SIGLEC9: variants seen among roughly 807,000 people sequenced by gnomAD.
SIGLEC9 encodes the protein sialic acid binding Ig like lectin 9, also known as sialic acid-binding Ig-like lectin 9.
Under a neutral mutation model 38.3 loss-of-function variants are expected in SIGLEC9, and 26 were observed. That is an observed-to-expected ratio of 0.68 (90% CI 0.50 to 0.94). The LOEUF is 0.94. Ranked by LOEUF, SIGLEC9 falls within the 40% of genes least tolerant of loss-of-function variation. The probability of loss-of-function intolerance (pLI) is 0.00; values close to 1 mark genes in which losing one functional copy is unlikely to be tolerated. For synonymous variants in SIGLEC9, 236 were observed against 248.0 expected, an observed-to-expected ratio of 0.95 and a Z score of 0.45; for missense variants, 556 against 585.7, an observed-to-expected ratio of 0.95 and a Z score of 0.52.
At chr19:51,129,581 G>A (rs942055157) in intron 6 of SIGLEC9, among the ~76,000 whole-genome samples, 1 of 151,960 alleles carries the variant, frequency 6.6e-6, no homozygotes, top group African/African-American at 2.4e-5. Context: ...ATGGAGTCTC[G>A]CTCTGTCACC....
In SIGLEC9 at chr19:51,127,168, C is replaced by G; in HGVS notation, c.887C>G (p.Pro296Arg). ...SLSWRGLTLC[P>R]SQPSNPGVLE... ...AGCTGGAGAGGCCTGACCCTGTGCC[C>G]CTCACAGCCCTCAAACCCGGGGGTG... The change falls in exon 4 of 7, where the codon CCC becomes CGC. Residue 296 changes from proline to arginine, a missense_variant. By Grantham distance (103) the Pro-to-Arg change is moderately radical (BLOSUM62 -2). Coordinates refer to ENST00000250360, the MANE Select transcript of SIGLEC9 (RefSeq NM_014441.3). 6.2e-7 allele frequency: 1 copy of G among 1,614,252 alleles called. No homozygotes were observed. Among genetic ancestry groups the G allele is most frequent in the Non-Finnish European group, 8.5e-7 (1 of 1,180,052 alleles).
At position 51,126,147 on chromosome 19, in the gene SIGLEC9, C is replaced by T. The variant is rs536858713; in HGVS notation, c.748+19C>T. 9.3e-6 allele frequency: 15 copies of T among 1,611,730 alleles called. No homozygotes were observed. The highest frequency in any genetic ancestry group is 1.2e-5 in the Non-Finnish European group (14 of 1,177,794). On this transcript the variant is annotated intron_variant, in intron 3 of 6. Transcript: ENST00000250360. ...GGCACAGGTAGGATGGAGCTCCCTC[C>T]CTGGGGCTGGAGGAGCAGGGCCTTC...
At position 51,125,818 on chromosome 19, in the gene SIGLEC9, G is replaced by T; in HGVS notation, c.643G>T (p.Val215Leu). 1 of 1,614,166 alleles carries T rather than the reference G, an allele frequency of 6.2e-7. No individual in the cohort carries two copies. Among genetic ancestry groups the T allele is most frequent in the Non-Finnish European group, 8.5e-7 (1 of 1,180,030 alleles). The change falls in exon 2 of 7, where the codon GTG becomes TTG. Residue 215 changes from valine to leucine, a missense_variant. Physicochemically the swap from Val to Leu is conservative, Grantham distance 32. Transcript: ENST00000250360. ...CCATGGCACCAGCCTCACCTGTCAG[G>T]TGACCTTCCCTGGGGCCAGCGTGAC... is the stretch of plus-strand genomic sequence containing the variant. ...QDHGTSLTCQ[V>L]TFPGASVTTN...
At chr19:51,135,827 T>G (rs1203380163) in intron 6 of SIGLEC9, 3 of 582,218 alleles carry the variant, frequency 5.2e-6, no homozygotes, top group African/African-American at 1.9e-5. Flanking sequence ...AACTGGTCTT[T>G]GAGCTCTGAG....
chr19:51,133,581 T>C (rs1446000560), downstream of SIGLEC9, among the ~76,000 whole-genome samples: 1 of 151,996 alleles, frequency 6.6e-6, no homozygotes, highest in Non-Finnish European at 1.5e-5. Context: ...GACCCCATCT[T>C]GAAAATAAAT....
Position 51,124,955 on chromosome 19 carries a change from T to C in SIGLEC9, c.-20T>C. 6.3e-7 allele frequency: 1 copy of C among 1,585,416 alleles called. No individual in the cohort carries two copies. The highest frequency in any genetic ancestry group is 8.6e-7 in the Non-Finnish European group (1 of 1,164,980). On this transcript the variant is annotated 5_prime_UTR_variant, in exon 1 of 7. Coordinates refer to ENST00000250360, the MANE Select transcript of SIGLEC9 (RefSeq NM_014441.3). ...AGGAACAGACGTTCCCTCGCGGCCCTGGCACCTCTAACCCCAGACATGCTG... is the reference window on the plus strand; with the variant it reads ...AGGAACAGACGTTCCCTCGCGGCCCCGGCACCTCTAACCCCAGACATGCTG...
intron 6 of SIGLEC9, among the ~76,000 whole-genome samples, chr19:51,129,366 A>G (rs560002964): frequency 1.8e-4 from 28 of 151,522 alleles, no homozygotes; most frequent in African/African-American, 2.7e-4. Flanking sequence ...TCACTGTGTT[A>G]GCCAGGATGG....
At chr19:51,124,516 G>A (rs1395473463), upstream of SIGLEC9, among the ~76,000 whole-genome samples, 2 of 152,100 alleles carry the variant, frequency 1.3e-5, no homozygotes, top group East Asian at 3.9e-4. Context: ...GCTTGGGGGG[G>A]ATGAGAGGCT....
chr19:51,128,736 T>G, intron 6 of SIGLEC9: 1 of 481,570 alleles, frequency 2.1e-6, no homozygotes. Context: ...TGAGGATCTC[T>G]GTCTTTTGTT....
chr19:51,129,697 A>G (rs537449745), intron 6 of SIGLEC9, among the ~76,000 whole-genome samples, 194 bp from the exon 7 acceptor site: 27 of 151,852 alleles, frequency 1.8e-4, no homozygotes, highest in Admixed American at 1.5e-3. Flanking sequence ...TTAAAGGTGC[A>G]CACCACCACA....
chr19:51,127,065 C>G lies in SIGLEC9; in HGVS notation c.784C>G (p.Leu262Val). The G allele has an allele frequency of 6.2e-7, 1 of 1,614,146 alleles. No individual in the cohort carries two copies. Among genetic ancestry groups the G allele is most frequent in the Non-Finnish European group, 8.5e-7 (1 of 1,179,962 alleles). ...CTTGGGAAATGGCTCATCTCTGTCA[C>G]TCCCAGAGGGCCAGTCTCTGCGCCT... Reference protein sequence around the residue: ...TVLGNGSSLSLPEGQSLRLVC... With the variant: ...TVLGNGSSLSVPEGQSLRLVC... Residue 262 changes from leucine to valine, a missense_variant, in exon 4 of 7, where the codon CTC becomes GTC. By Grantham distance (32) the Leu-to-Val change is conservative (BLOSUM62 1). Coordinates refer to ENST00000250360, the MANE Select transcript of SIGLEC9 (RefSeq NM_014441.3).
chr19:51,130,157 G>A lies in SIGLEC9; in HGVS notation c.*78G>A. 6.6e-7 allele frequency: 1 copy of A among 1,513,048 alleles called. No individual in the cohort carries two copies. The allele number at this position is 1,513,048 out of a possible 1,614,324, so 93.7% of individuals were successfully genotyped here. A position where few individuals can be genotyped will look rare whatever the true frequency, so the allele number is the denominator to read the frequency against. The stretch of plus-strand genomic sequence containing the variant: ...GAGAAGTCAGAGGCTGATTCTTGTA[G>A]AATTAACAGCCCTCAACGTGATGAG... On this transcript the variant is annotated 3_prime_UTR_variant, in exon 7 of 7. Transcript: ENST00000250360.
chr19:51,127,431 C>G (rs1294917570), intron 4 of SIGLEC9, 135 bp downstream of exon 4: 6 of 968,548 alleles, frequency 6.2e-6, no homozygotes. Context: ...TGGAACTTCC[C>G]TGGGACCCAC....
downstream of SIGLEC9, among the ~76,000 whole-genome samples, chr19:51,133,744 G>A (rs922313640): frequency 6.6e-6 from 1 of 152,126 alleles, no homozygotes; most frequent in East Asian, 1.9e-4. Context: ...TTGTACAACT[G>A]TGCTGTTTGA....
downstream of SIGLEC9, among the ~76,000 whole-genome samples, chr19:51,134,130 TTTTA>T (rs2092030630): frequency 6.8e-6 from 1 of 147,208 alleles, no homozygotes; most frequent in Non-Finnish European, 1.5e-5. Context: ...GTCCTGGGAA[TTTTA>T]TTTCTTTCTT....
intron 3 of SIGLEC9, among the ~76,000 whole-genome samples, chr19:51,126,428 T>G (rs571647906): frequency 6.6e-6 from 1 of 152,230 alleles, no homozygotes; most frequent in East Asian, 1.9e-4. Context: ...CACCCTTATC[T>G]GTTTATTTCT....
chr19:51,127,017 T>C lies in SIGLEC9; in HGVS notation c.749-13T>C, dbSNP rs1470955081. On this transcript the variant is annotated splice_polypyrimidine_tract_variant and intron_variant, in intron 3 of 6. Coordinates refer to ENST00000250360, the MANE Select transcript of SIGLEC9 (RefSeq NM_014441.3). ...CTATGTATCTCTCTGACCCTCTGTC[T>C]CTTTTTCTACAGTATCCACAGTCTT... is the stretch of plus-strand genomic sequence containing the variant. 6.2e-7 allele frequency: 1 copy of C among 1,612,800 alleles called. No individual in the cohort carries two copies. Among genetic ancestry groups the C allele is most frequent in the Non-Finnish European group, 8.5e-7 (1 of 1,179,008 alleles).
At chr19:51,127,826 T>C in intron 4 of SIGLEC9, 123 bp from the exon 5 acceptor site, 3 of 645,668 alleles carry the variant, frequency 4.6e-6, no homozygotes, top group Non-Finnish European at 5.6e-6. Flanking sequence ...TCTCTCTCAT[T>C]CCTGTTCTTT....
intron 4 of SIGLEC9, 149 bp from the exon 5 acceptor site, chr19:51,127,800 T>G: frequency 2.0e-6 from 1 of 500,756 alleles, no homozygotes. Flanking sequence ...TCAGGAAGAG[T>G]CTCTCCATGT....
Sources: gnomAD v4.1 joint callset for allele counts (sites outside exome capture counted in the v4.1 genomes callset) on GRCh38, gnomAD v4.1.1 for gene constraint, MANE v1.5 for transcripts, NCBI Gene and HGNC (gene_info 2026-07-23, HGNC 2026-07-21) for gene names.